Variants in RASSF9 observed in about 807,000 individuals in gnomAD.
RASSF9 encodes Ras association domain family member 9.
RASSF9 carries 18 observed loss-of-function variants against 21.4 expected under a neutral mutation model. The observed-to-expected ratio is 0.84, with a 90% confidence interval of 0.58 to 1.25. RASSF9 has a LOEUF of 1.25. Among genes scored for constraint, RASSF9 ranks in the 50% most tolerant of loss-of-function variants. The pLI, the probability that RASSF9 is intolerant of heterozygous loss-of-function variation, is 0.00. For missense variants in RASSF9, 480 were observed against 503.2 expected, an observed-to-expected ratio of 0.95 and a Z score of 0.44; for synonymous variants, 183 against 179.1, an observed-to-expected ratio of 1.02 and a Z score of -0.18.
chr12:85,802,514 A>G lies in RASSF9; in HGVS notation c.*2188T>C, dbSNP rs561601666. ...AGACTTACAAACATTATTTACTGTA[A>G]AATGTAGAAGAATTGAGCCTTAAAT... On this transcript the variant is annotated 3_prime_UTR_variant, in exon 2 of 2. Transcript: ENST00000361228. The G allele has an allele frequency of 8.5e-5, 13 of 152,274 alleles. No homozygotes were observed. In the South Asian group the frequency reaches 2.5e-3, roughly 29 times the overall value. The allele number at this position is 152,274 out of a possible 1,614,324, so 9.4% of individuals were successfully genotyped here.
At chr12:85,834,252 C>A (rs1880513428) in intron 1 of RASSF9, among the ~76,000 whole-genome samples, 1 of 151,838 alleles carries the variant, frequency 6.6e-6, no homozygotes, top group Non-Finnish European at 1.5e-5. Flanking sequence ...TTACCCATAT[C>A]CTTACTATTG....
At position 85,803,766 on chromosome 12, in the gene RASSF9, A is replaced by G. The variant is rs1464657593; in HGVS notation, c.*936T>C. 2.0e-5 allele frequency: 3 copies of G among 152,220 alleles called. No individual in the cohort carries two copies. Among genetic ancestry groups the G allele is most frequent in the African/African-American group, 7.2e-5 (3 of 41,460 alleles). 9.4% of individuals were successfully genotyped at this position (152,220 alleles called of 1,614,324 possible). A position where few individuals can be genotyped will look rare whatever the true frequency, so the allele number is the denominator to read the frequency against. ...GAAATAAGACAATCTGAGTTATAGC[A>G]TAGCAGAATAAGTCTTTTGTCCATG... is the stretch of plus-strand genomic sequence containing the variant. On this transcript the variant is annotated 3_prime_UTR_variant, in exon 2 of 2. Coordinates refer to ENST00000361228, the MANE Select transcript of RASSF9 (RefSeq NM_005447.4).
At chr12:85,818,160 G>A (rs1880120021) in intron 1 of RASSF9, among the ~76,000 whole-genome samples, 1 of 152,086 alleles carries the variant, frequency 6.6e-6, no homozygotes, top group African/African-American at 2.4e-5. Context: ...AAGATACATT[G>A]GATAATAATA....
chr12:85,828,478 T>C (rs1373776443), intron 1 of RASSF9, among the ~76,000 whole-genome samples: 1 of 152,134 alleles, frequency 6.6e-6, no homozygotes, highest in Non-Finnish European at 1.5e-5. Flanking sequence ...CATAAATATA[T>C]ATATACACTT....
intron 1 of RASSF9, among the ~76,000 whole-genome samples, chr12:85,833,057 A>G (rs1880483697): frequency 6.6e-6 from 1 of 151,674 alleles, no homozygotes; most frequent in African/African-American, 2.4e-5. Context: ...TTTCCTGAAT[A>G]CTATTTCCCA....
intron 1 of RASSF9, among the ~76,000 whole-genome samples, chr12:85,830,575 G>A (rs757966168): frequency 6.6e-6 from 1 of 151,966 alleles, no homozygotes; most frequent in Non-Finnish European, 1.5e-5. Context: ...TTTTTTAACA[G>A]AATGTTTAAA....
In RASSF9 at chr12:85,804,811, C is replaced by T; in HGVS notation, c.1199G>A (p.Arg400Lys). 6.2e-7 allele frequency: 1 copy of T among 1,613,468 alleles called. No homozygotes were observed. The highest frequency in any genetic ancestry group is 1.1e-5 in the South Asian group (1 of 91,072). ...SNGEIPPFTQ[R>K]VFSNYTNDTD... The stretch of plus-strand genomic sequence containing the variant: ...GTCATTTGTGTAATTGCTAAATACT[C>T]TTTGAGTAAAGGGAGGAATCTCCCC... The change falls in exon 2 of 2, where the codon AGA (arginine) becomes AAA (lysine). Residue 400 changes from arginine (R) to lysine (K), a missense_variant. Arg to Lys is a conservative substitution (Grantham distance 26). Coordinates refer to ENST00000361228, the MANE Select transcript of RASSF9 (RefSeq NM_005447.4).
chr12:85,816,406 G>C (rs1196185154), intron 1 of RASSF9, among the ~76,000 whole-genome samples: 1 of 151,876 alleles, frequency 6.6e-6, no homozygotes, highest in Admixed American at 6.6e-5. Context: ...TCATGCTGTA[G>C]AGGGTAAATA....
At chr12:85,820,558 C>CT (rs538877965) in intron 1 of RASSF9, among the ~76,000 whole-genome samples, 4 of 152,020 alleles carry the variant, frequency 2.6e-5, no homozygotes, top group Non-Finnish European at 5.9e-5. Flanking sequence ...ACAAATTCAA[C>CT]TTTTTTTACC....
In RASSF9 at chr12:85,804,594, A is replaced by T. The variant is rs2136548145; in HGVS notation, c.*108T>A. 8.9e-7 allele frequency: 1 copy of T among 1,121,788 alleles called. No individual in the cohort carries two copies. The highest frequency in any genetic ancestry group is 1.6e-5 in the African/African-American group (1 of 63,594). The allele number at this position is 1,121,788 out of a possible 1,614,324, so 69.5% of individuals were successfully genotyped here. A position where few individuals can be genotyped will look rare whatever the true frequency, so the allele number is the denominator to read the frequency against. ...CTCGAGTTTTTATTAACTATTGAAT[A>T]CTACAATATGATTTACATTTTTTTG... On this transcript the variant is annotated 3_prime_UTR_variant, in exon 2 of 2. Coordinates refer to ENST00000361228, the MANE Select transcript of RASSF9 (RefSeq NM_005447.4).
intron 1 of RASSF9, among the ~76,000 whole-genome samples, chr12:85,826,499 G>A (rs1164699269): frequency 2.0e-5 from 3 of 148,054 alleles, no homozygotes; most frequent in East Asian, 4.0e-4. Flanking sequence ...CCAGGCTAGA[G>A]TGCAGTGGCA....
chr12:85,830,063 C>T (rs1880416489), intron 1 of RASSF9, among the ~76,000 whole-genome samples: 1 of 152,088 alleles, frequency 6.6e-6, no homozygotes, highest in Admixed American at 6.6e-5. Flanking sequence ...CAGAACATTC[C>T]TATAACTGTG....
intron 1 of RASSF9, among the ~76,000 whole-genome samples, chr12:85,814,789 G>A (rs1380713651): frequency 1.3e-5 from 2 of 152,014 alleles, no homozygotes; most frequent in East Asian, 1.9e-4. Context: ...TTAGTTCATG[G>A]AAAGGCTTCC....
intron 1 of RASSF9, among the ~76,000 whole-genome samples, chr12:85,821,736 T>C (rs1341768432): frequency 1.3e-5 from 2 of 152,150 alleles, no homozygotes; most frequent in South Asian, 2.1e-4. Flanking sequence ...GAAGAAGTAA[T>C]ATTATAAACC....
chr12:85,824,427 G>T (rs1196359683), intron 1 of RASSF9, among the ~76,000 whole-genome samples: 1 of 152,014 alleles, frequency 6.6e-6, no homozygotes, highest in East Asian at 1.9e-4. Flanking sequence ...CCACAATTCA[G>T]ATAACTCTGT....
intron 1 of RASSF9, among the ~76,000 whole-genome samples, chr12:85,827,176 G>T (rs1466083216): frequency 6.6e-6 from 1 of 152,140 alleles, no homozygotes; most frequent in African/African-American, 2.4e-5. Context: ...GGCTAGAGAA[G>T]AATCACTAAT....
intron 1 of RASSF9, among the ~76,000 whole-genome samples, chr12:85,813,581 A>G (rs183720950): frequency 2.8e-4 from 43 of 151,960 alleles, no homozygotes; most frequent in African/African-American, 1.0e-3. Context: ...ATAAATGGAT[A>G]TAATTTGGCA....
intron 1 of RASSF9, among the ~76,000 whole-genome samples, chr12:85,815,498 G>C (rs61930062): frequency 0.07 from 10,689 of 152,048 alleles, 541 homozygotes; most frequent in Middle Eastern, 0.18. Context: ...CTGAATTTAG[G>C]TCTTTGAGGA....
intron 1 of RASSF9, among the ~76,000 whole-genome samples, chr12:85,834,930 T>C (rs1880526221): frequency 6.6e-6 from 1 of 152,130 alleles, no homozygotes; most frequent in African/African-American, 2.4e-5. Flanking sequence ...ATAAATAGCA[T>C]ATTTGTGAAA....
Sources: allele counts gnomAD v4.1 joint callset (sites outside exome capture counted in the v4.1 genomes callset), GRCh38; gene constraint gnomAD v4.1.1; transcripts MANE v1.5; gene names NCBI Gene and HGNC (gene_info 2026-07-23, HGNC 2026-07-21).